Variants in SMURF2 observed in about 807,000 individuals in gnomAD.
The protein encoded by SMURF2 is SMAD specific E3 ubiquitin protein ligase 2, also known as E3 ubiquitin-protein ligase SMURF2.
SMURF2 carries 48 observed loss-of-function variants against 109.6 expected under a neutral mutation model. That is an observed-to-expected ratio of 0.44 (90% CI 0.35 to 0.56). The LOEUF (loss-of-function observed/expected upper bound fraction) is 0.56. Ranked by LOEUF, SMURF2 falls within the 20% of genes least tolerant of loss-of-function variation. SMURF2 has a pLI of 0.01. For synonymous variants in SMURF2, 288 were observed against 317.1 expected (o/e 0.91, Z 0.97); for missense variants, 575 against 909.0 (o/e 0.63, Z 4.72).
In SMURF2 at chr17:64,542,887, A is replaced by C. The variant is rs1555682731; in HGVS notation, c.*2961T>G. On this transcript the variant is annotated 3_prime_UTR_variant, in exon 19 of 19. Transcript: ENST00000262435. ...ACAAAATGTACACTATACACTATAC[A>C]CTATGCACTATTTAAAAACTACACC... 1 of 152,228 alleles carries C rather than the reference A, an allele frequency of 6.6e-6. No homozygotes were observed. Among genetic ancestry groups the C allele is most frequent in the Non-Finnish European group, 1.5e-5 (1 of 68,048 alleles). The allele number at this position is 152,228 out of a possible 1,614,324, so 9.4% of individuals were successfully genotyped here. A position where few individuals can be genotyped will look rare whatever the true frequency, so the allele number is the denominator to read the frequency against.
chr17:64,590,758 TA>T (rs1487343123), intron 5 of SMURF2, among the ~76,000 whole-genome samples: 1 of 152,138 alleles, frequency 6.6e-6, no homozygotes, highest in Admixed American at 6.6e-5. Context: ...CTCTTCTTAC[TA>T]AAAAAACTAG....
chr17:64,619,868 T>C (rs1237276796), intron 1 of SMURF2, among the ~76,000 whole-genome samples: 1 of 152,186 alleles, frequency 6.6e-6, no homozygotes, highest in South Asian at 2.1e-4. Context: ...ATTCCATTCA[T>C]AGCAAAGCTT....
At chr17:64,603,877 A>T (rs1438115361) in intron 2 of SMURF2, among the ~76,000 whole-genome samples, 1 of 152,142 alleles carries the variant, frequency 6.6e-6, no homozygotes, top group African/African-American at 2.4e-5. Flanking sequence ...ATGGCAGTGT[A>T]TTTTTTCCTG....
chr17:64,586,227 T>C (rs1555687073), intron 5 of SMURF2, 57 bp from the exon 6 acceptor site: 42 of 1,128,854 alleles, frequency 3.7e-5, no homozygotes, highest in Non-Finnish European at 1.3e-6. Context: ...ACTATTATAA[T>C]CTAAAATTTC....
chr17:64,622,292 A>G (rs1356404410), intron 1 of SMURF2, among the ~76,000 whole-genome samples: 1 of 152,082 alleles, frequency 6.6e-6, no homozygotes, highest in Non-Finnish European at 1.5e-5. Flanking sequence ...TTATCCTATC[A>G]TGAACATCTA....
At chr17:64,582,693 G>C (rs1282328136) in intron 7 of SMURF2, among the ~76,000 whole-genome samples, 1 of 150,744 alleles carries the variant, frequency 6.6e-6, no homozygotes, top group African/African-American at 2.4e-5. Flanking sequence ...CCACCTCCTG[G>C]GTTCAAGCCA....
intron 1 of SMURF2, among the ~76,000 whole-genome samples, chr17:64,628,502 T>C (rs782335756): frequency 6.6e-6 from 1 of 152,198 alleles, no homozygotes; most frequent in Non-Finnish European, 1.5e-5. Context: ...CAAATTCATA[T>C]ACATGTCTAA....
rs1382575632 is a variant in SMURF2 at position 64,543,195 on chromosome 17, T to A, written c.*2653A>T. On this transcript the variant is annotated 3_prime_UTR_variant, in exon 19 of 19. Coordinates refer to ENST00000262435, the MANE Select transcript of SMURF2 (RefSeq NM_022739.4). The stretch of plus-strand genomic sequence containing the variant: ...CCTATTTGGAAGTAATCGGGTAATG[T>A]AACTTTGAAATGGAAATCTAAATCA... 11 of 152,182 alleles carry A rather than the reference T, an allele frequency of 7.2e-5. No homozygotes were observed. The highest frequency in any genetic ancestry group is 2.7e-4 in the African/African-American group (11 of 41,442). The allele number at this position is 152,182 out of a possible 1,614,324, so 9.4% of individuals were successfully genotyped here. A position where few individuals can be genotyped will look rare whatever the true frequency, so the allele number is the denominator to read the frequency against.
chr17:64,630,382 G>A (rs1236362766), intron 1 of SMURF2, among the ~76,000 whole-genome samples: 4 of 152,094 alleles, frequency 2.6e-5, no homozygotes, highest in African/African-American at 9.7e-5. Flanking sequence ...CCAGCTAACT[G>A]GGAATTTCTA....
chr17:64,584,994 G>C (rs1969633383), intron 6 of SMURF2, among the ~76,000 whole-genome samples: 1 of 152,038 alleles, frequency 6.6e-6, no homozygotes, highest in Admixed American at 6.6e-5. Context: ...AAGCTAAAGT[G>C]ACCTACGAAC....
At chr17:64,566,060 G>T (rs1470754627) in intron 10 of SMURF2, among the ~76,000 whole-genome samples, 4 of 151,830 alleles carry the variant, frequency 2.6e-5, no homozygotes, top group Non-Finnish European at 5.9e-5. Context: ...ATATTTGACG[G>T]CTCATAGACA....
intron 9 of SMURF2, among the ~76,000 whole-genome samples, chr17:64,576,450 G>A (rs1025850025): frequency 5.9e-5 from 9 of 151,876 alleles, no homozygotes; most frequent in Non-Finnish European, 1.0e-4. Context: ...AATCACCTGA[G>A]GTCAGGTGCT....
intron 1 of SMURF2, among the ~76,000 whole-genome samples, chr17:64,616,358 A>T (rs1422696582): frequency 6.6e-6 from 1 of 152,092 alleles, no homozygotes; most frequent in Non-Finnish European, 1.5e-5. Flanking sequence ...TTTGCTTTTA[A>T]GAGCTAGAGT....
chr17:64,581,684 C>A lies in SMURF2; in HGVS notation c.570-693G>T, dbSNP rs1969579766. On this transcript the variant is annotated intron_variant, in intron 7 of 18. Coordinates refer to ENST00000262435, the MANE Select transcript of SMURF2 (RefSeq NM_022739.4). The surrounding 1 kb of genome is among the most constrained non-coding windows in gnomAD (Gnocchi z 4.3). ...ACATGGCAGGGTATGGTGGCTCACA[C>A]CTGTAATCCCAGCACTTTGGGAGAC... 6.6e-6 allele frequency among the ~76,000 whole-genome samples: 1 copy of A among 152,126 alleles called. No homozygotes were observed. Among genetic ancestry groups the A allele is most frequent in the Non-Finnish European group, 1.5e-5 (1 of 68,034 alleles).
At chr17:64,647,122 C>A (rs371452578) in intron 1 of SMURF2, among the ~76,000 whole-genome samples, 1 of 152,224 alleles carries the variant, frequency 6.6e-6, no homozygotes, top group African/African-American at 2.4e-5. Context: ...ATCCTAGAGC[C>A]TACATCTCAG....
intron 18 of SMURF2, 136 bp downstream of exon 18, chr17:64,546,127 A>G (rs1472841523): frequency 1.0e-6 from 1 of 973,404 alleles, no homozygotes; most frequent in African/African-American, 1.6e-5. Flanking sequence ...CTTAACTTTT[A>G]AATCACTTAA....
chr17:64,621,700 CCCATCT>C (rs1555690642), intron 1 of SMURF2, among the ~76,000 whole-genome samples: 1 of 151,040 alleles, frequency 6.6e-6, no homozygotes, highest in African/African-American at 2.4e-5. Context: ...ATGGTGAAAC[CCCATCT>C]CTACTAAAAA....
intron 1 of SMURF2, among the ~76,000 whole-genome samples, chr17:64,638,009 C>A (rs1399461286): frequency 2.7e-5 from 4 of 145,738 alleles, no homozygotes; most frequent in African/African-American, 1.0e-4. Flanking sequence ...ATCTATATCT[C>A]AATCCTTACA....
chr17:64,627,067 T>A (rs2144703014), intron 1 of SMURF2, among the ~76,000 whole-genome samples: 1 of 151,076 alleles, frequency 6.6e-6, no homozygotes, highest in South Asian at 2.1e-4. Flanking sequence ...AATTACAGAT[T>A]CACAAACAAA....
Sources: gnomAD v4.1 joint callset for allele counts (sites outside exome capture counted in the v4.1 genomes callset) on GRCh38, gnomAD v4.1.1 for gene constraint, Gnocchi (gnomAD v3.1) non-coding constraint, MANE v1.5 for transcripts, NCBI Gene and HGNC (gene_info 2026-07-23, HGNC 2026-07-21) for gene names.